Variants in NELL1 observed in about 807,000 individuals in gnomAD.
The protein encoded by NELL1 is protein kinase C-binding protein NELL1.
Under a neutral mutation model 107.4 loss-of-function variants are expected in NELL1, and 76 were observed. That is an observed-to-expected ratio of 0.71 (90% CI 0.59 to 0.86). The LOEUF is 0.86. Among genes scored for constraint, NELL1 ranks in the 40% least tolerant of loss-of-function variants. The probability of loss-of-function intolerance (pLI) is 0.00; values close to 1 mark genes in which losing one functional copy is unlikely to be tolerated. For missense variants in NELL1, 1,024 were observed against 1,005.5 expected, an observed-to-expected ratio of 1.02 and a Z score of -0.25; for synonymous variants, 353 against 341.2, an observed-to-expected ratio of 1.03 and a Z score of -0.38.
At chr11:20,672,985 C>CTG (rs1555050541) in intron 1 of NELL1, among the ~76,000 whole-genome samples, 1 of 115,856 alleles carries the variant, frequency 8.6e-6, no homozygotes, top group Non-Finnish European at 1.8e-5. Context: ...CCCCCCCCCC[C>CTG]CCGAGTAGCT....
At chr11:21,143,870 A>G (rs1460707968) in intron 13 of NELL1, among the ~76,000 whole-genome samples, 3 of 152,208 alleles carry the variant, frequency 2.0e-5, no homozygotes, top group Non-Finnish European at 4.4e-5. Context: ...GAAAGATAAA[A>G]GACCTGCTTT....
At chr11:21,362,043 G>A (rs1207179386) in intron 14 of NELL1, among the ~76,000 whole-genome samples, 1 of 152,112 alleles carries the variant, frequency 6.6e-6, no homozygotes, top group African/African-American at 2.4e-5. Context: ...GTGATTTTGA[G>A]GAGTGTTGTA....
intron 15 of NELL1, among the ~76,000 whole-genome samples, chr11:21,512,564 C>A (rs1855463593): frequency 6.6e-6 from 1 of 152,046 alleles, no homozygotes; most frequent in South Asian, 2.1e-4. Context: ...AGGAGAGGGT[C>A]TAATTCAACT....
chr11:21,025,028 C>T (rs945175725), intron 12 of NELL1, among the ~76,000 whole-genome samples: 2 of 152,106 alleles, frequency 1.3e-5, no homozygotes, highest in Admixed American at 6.6e-5. Context: ...ATAAACCATA[C>T]AGAAAATGTC....
At chr11:20,918,137 T>C (rs1001772262) in intron 5 of NELL1, 45 bp from the exon 6 acceptor site, 8 of 1,046,832 alleles carry the variant, frequency 7.6e-6, no homozygotes, top group Non-Finnish European at 6.0e-6. Context: ...ACATTTGAGC[T>C]GGTGACTGTA....
At chr11:20,896,365 T>C (rs1451854269) in intron 5 of NELL1, among the ~76,000 whole-genome samples, 1 of 152,220 alleles carries the variant, frequency 6.6e-6, no homozygotes, top group Admixed American at 6.5e-5. Context: ...CACAATTTCT[T>C]TATCCATTCA....
intron 2 of NELL1, among the ~76,000 whole-genome samples, chr11:20,722,314 C>T (rs866744378): frequency 3.3e-5 from 5 of 152,194 alleles, no homozygotes; most frequent in Non-Finnish European, 5.9e-5. Flanking sequence ...AGCCACCATG[C>T]CCGGCCCTGA....
rs756275494 is a variant in NELL1, at chr11:21,209,028, AC to A, written c.1427-20303del. Among the ~76,000 whole-genome samples, 27 of 152,186 alleles carry A rather than the reference AC, an allele frequency of 1.8e-4. No individual in the cohort carries two copies. The South Asian group carries it at 5.4e-3, about 30-fold the overall frequency. ...TGAAGACCAGATAGCCCTCCCCAAA[AC>A]TTTTGTCTAATACCCCCAGAACTGT... is the stretch of plus-strand genomic sequence containing the variant. On this transcript the variant is annotated intron_variant, in intron 13 of 19. Transcript: ENST00000357134.
chr11:20,694,314 GAGGTACT>G (rs1854554974), intron 2 of NELL1, among the ~76,000 whole-genome samples: 1 of 152,032 alleles, frequency 6.6e-6, no homozygotes, highest in Admixed American at 6.6e-5. Context: ...GATTGCTTTT[GAGGTACT>G]AGCCATAAAT....
chr11:21,566,679 A>G (rs111556199), intron 17 of NELL1, among the ~76,000 whole-genome samples: 6 of 151,950 alleles, frequency 3.9e-5, no homozygotes, highest in African/African-American at 1.4e-4. Context: ...AACAGCCTCA[A>G]AGATCTCTGA....
intron 12 of NELL1, among the ~76,000 whole-genome samples, chr11:21,033,499 G>A (rs995797052): frequency 1.3e-5 from 2 of 151,942 alleles, no homozygotes; most frequent in African/African-American, 2.4e-5. Context: ...TTGATTTTCT[G>A]TTTCTTTATT....
In NELL1 at chr11:21,239,121, A is replaced by G. The variant is rs1187298892; in HGVS notation, c.1549+9667A>G. Among the ~76,000 whole-genome samples, 3 of 152,162 alleles carry G rather than the reference A, an allele frequency of 2.0e-5. No homozygotes were observed. In the East Asian group the frequency reaches 5.8e-4, roughly 30 times the overall value. On this transcript the variant is annotated intron_variant, in intron 14 of 19. Coordinates refer to ENST00000357134, the MANE Select transcript of NELL1 (RefSeq NM_006157.5). ...GTCAATATTATTATTAGCACGATGA[A>G]AAATCCACTGAAATTTTTCTCCTTA...
chr11:21,184,215 C>T (rs1169948216), intron 13 of NELL1, among the ~76,000 whole-genome samples: 3 of 151,700 alleles, frequency 2.0e-5, no homozygotes, highest in Non-Finnish European at 1.5e-5. Context: ...CATTCTATGT[C>T]CTCCTCTTTT....
chr11:21,423,210 C>CA (rs1006871522), intron 15 of NELL1, among the ~76,000 whole-genome samples: 209 of 148,356 alleles, frequency 1.4e-3, no homozygotes, highest in African/African-American at 4.3e-3. Context: ...ACTAAAAATA[C>CA]AAAAAAAAAA....
At chr11:20,874,360 G>T (rs969069949) in intron 4 of NELL1, among the ~76,000 whole-genome samples, 1 of 152,152 alleles carries the variant, frequency 6.6e-6, no homozygotes, top group African/African-American at 2.4e-5. Flanking sequence ...GAGCCACCTC[G>T]CCCGGCCTAG....
intron 12 of NELL1, among the ~76,000 whole-genome samples, chr11:21,040,854 C>A (rs1853212116): frequency 6.6e-6 from 1 of 151,964 alleles, no homozygotes; most frequent in African/African-American, 2.4e-5. Flanking sequence ...TCATAATAGA[C>A]CTTAAAATTC....
intron 2 of NELL1, among the ~76,000 whole-genome samples, chr11:20,729,036 A>C (rs1419054108): frequency 6.6e-6 from 1 of 152,046 alleles, no homozygotes; most frequent in Non-Finnish European, 1.5e-5. Flanking sequence ...GGCTAGCTGT[A>C]TTGCTAGGTA....
At chr11:20,813,733 A>T (rs1251653904) in intron 3 of NELL1, among the ~76,000 whole-genome samples, 5 of 152,310 alleles carry the variant, frequency 3.3e-5, no homozygotes, top group Admixed American at 6.5e-5. Flanking sequence ...CATTGTTCAC[A>T]GATGAATCTT....
At chr11:20,762,737 C>T (rs934696219) in intron 2 of NELL1, among the ~76,000 whole-genome samples, 1 of 152,106 alleles carries the variant, frequency 6.6e-6, no homozygotes, top group Non-Finnish European at 1.5e-5. Flanking sequence ...TTCTCACGCT[C>T]ACATTATTAT....
Sources: allele counts gnomAD v4.1 joint callset (sites outside exome capture counted in the v4.1 genomes callset), GRCh38; gene constraint gnomAD v4.1.1; transcripts MANE v1.5; gene names NCBI Gene and HGNC (gene_info 2026-07-23, HGNC 2026-07-21).